The following DOCK1 variants were observed in gnomAD, a reference collection of about 807,000 sequenced individuals.
DOCK1 encodes dedicator of cytokinesis 1.
A neutral mutation model predicts 262.7 loss-of-function variants in DOCK1; 138 were observed. That is an observed-to-expected ratio of 0.53 (90% CI 0.46 to 0.61). DOCK1 has a LOEUF of 0.61. Ranked by LOEUF, DOCK1 falls within the 20% of genes least tolerant of loss-of-function variation. DOCK1 has a pLI of 0.00. For missense variants in DOCK1, 1,908 were observed against 2,370.7 expected, an observed-to-expected ratio of 0.80 and a Z score of 4.05; for synonymous variants, 866 against 867.4, an observed-to-expected ratio of 1.00 and a Z score of 0.03.
At chr10:127,074,593 A>T (rs1041059166) in intron 23 of DOCK1, among the ~76,000 whole-genome samples, 1 of 152,202 alleles carries the variant, frequency 6.6e-6, no homozygotes, top group Admixed American at 6.5e-5. Flanking sequence ...AGGTAGAAGA[A>T]AAAAGGGGCT....
intron 22 of DOCK1, among the ~76,000 whole-genome samples, chr10:127,059,369 T>C (rs1450964614): frequency 6.6e-6 from 1 of 152,174 alleles, no homozygotes; most frequent in African/African-American, 2.4e-5. Context: ...TTTGTGGCCA[T>C]TGTCTGTTCT....
In DOCK1 at chr10:127,415,137, G is replaced by A. The variant is rs761430183; in HGVS notation, c.4429-15G>A. On this transcript the variant is annotated splice_polypyrimidine_tract_variant and intron_variant, in intron 43 of 51. Coordinates refer to ENST00000623213, the MANE Select transcript of DOCK1 (RefSeq NM_001290223.2). ...TCCTTCTAACCCGTGTTGTGTGTGT[G>A]TGTTTCCTTTGCAGAATATGTGGAT... The A allele has an allele frequency of 1.2e-6, 2 of 1,611,944 alleles. No homozygotes were observed. The highest frequency in any genetic ancestry group is 1.7e-6 in the Non-Finnish European group (2 of 1,178,458).
chr10:127,413,878 G>A lies in DOCK1; in HGVS notation c.4429-1274G>A, dbSNP rs182302482. Among the ~76,000 whole-genome samples, 34 of 152,118 alleles carry A rather than the reference G, an allele frequency of 2.2e-4. No individual in the cohort carries two copies. In the East Asian group the frequency reaches 4.1e-3, roughly 18 times the overall value. On this transcript the variant is annotated intron_variant, in intron 43 of 51. Coordinates refer to ENST00000623213, the MANE Select transcript of DOCK1 (RefSeq NM_001290223.2). ...CCTCCTATGGAACGTAAGAAGTTTGGGATAAATGCTTTCCAAGATCCAAGT... is the reference window on the plus strand; with the variant it reads ...CCTCCTATGGAACGTAAGAAGTTTGAGATAAATGCTTTCCAAGATCCAAGT...
chr10:127,431,825 T>C (rs1294767733), intron 47 of DOCK1, among the ~76,000 whole-genome samples: 1 of 152,224 alleles, frequency 6.6e-6, no homozygotes, highest in African/African-American at 2.4e-5. Flanking sequence ...CTAAAATACT[T>C]ACCTGGTCCT....
rs968270801 is a variant in DOCK1, at chr10:126,934,675, G to A, written c.46+29112G>A. ...ATGTGTGTCAACTTAACCTACTTTC[G>A]TACCTGCTGTGAGTCTAACTTTGTG... On this transcript the variant is annotated intron_variant, in intron 1 of 51. Transcript: ENST00000623213. Among the ~76,000 whole-genome samples the A allele has an allele frequency of 2.3e-3, 345 of 149,290 alleles. 14 individuals carry two copies. The South Asian group carries it at 0.069, about 30-fold the overall frequency.
intron 29 of DOCK1, among the ~76,000 whole-genome samples, chr10:127,316,522 A>G (rs2135534465): frequency 1.3e-5 from 2 of 152,324 alleles, no homozygotes; most frequent in Admixed American, 1.3e-4. Context: ...TTCTGAATCG[A>G]CTACTAAAAA....
intron 29 of DOCK1, among the ~76,000 whole-genome samples, chr10:127,318,200 A>G (rs984590114): frequency 3.9e-5 from 6 of 152,180 alleles, no homozygotes; most frequent in African/African-American, 1.4e-4. Context: ...TTCGGTGTGC[A>G]TTGAGTGCCT....
intron 23 of DOCK1, among the ~76,000 whole-genome samples, chr10:127,097,071 C>G (rs1160125534): frequency 1.3e-5 from 2 of 152,144 alleles, no homozygotes; most frequent in Non-Finnish European, 2.9e-5. Context: ...CACCATTACA[C>G]TCCAGCCTGG....
chr10:127,329,221 A>C (rs1416037595), intron 29 of DOCK1, among the ~76,000 whole-genome samples: 1 of 152,046 alleles, frequency 6.6e-6, no homozygotes, highest in African/African-American at 2.4e-5. Context: ...ATCCAGGACA[A>C]CCTGTCCTGT....
At chr10:127,404,685 G>T (rs1462619817) in intron 40 of DOCK1, among the ~76,000 whole-genome samples, 5 of 152,206 alleles carry the variant, frequency 3.3e-5, no homozygotes, top group Non-Finnish European at 4.4e-5. Context: ...TAATTGAGGT[G>T]TGATATATGA....
intron 12 of DOCK1, 172 bp from the exon 13 acceptor site, chr10:127,018,538 C>T: frequency 1.1e-6 from 1 of 951,952 alleles, no homozygotes; most frequent in Non-Finnish European, 1.6e-6. Flanking sequence ...TGCATGGAGT[C>T]CCCACGACAG....
chr10:127,141,521 G>A (rs2051242061), intron 27 of DOCK1, among the ~76,000 whole-genome samples: 1 of 152,132 alleles, frequency 6.6e-6, no homozygotes, highest in Admixed American at 6.5e-5. Context: ...TGGCCAACAT[G>A]GTGAAACCCC....
intron 27 of DOCK1, among the ~76,000 whole-genome samples, chr10:127,148,176 G>A (rs1160579592): frequency 2.0e-5 from 3 of 152,176 alleles, no homozygotes; most frequent in African/African-American, 7.2e-5. Context: ...GGAGCCTTGT[G>A]GCGTTCCCAT....
intron 23 of DOCK1, among the ~76,000 whole-genome samples, chr10:127,066,157 A>C (rs371599865): frequency 3.0e-4 from 46 of 151,950 alleles, no homozygotes; most frequent in African/African-American, 9.9e-4. Context: ...TCTGCCCTCG[A>C]GTCGTGTTCT....
chr10:127,192,684 T>C (rs759450444), intron 27 of DOCK1: 1 of 152,174 alleles, frequency 6.6e-6, no homozygotes, highest in Non-Finnish European at 1.5e-5. Context: ...ATGTGAGAGG[T>C]AAGATCCTTG....
chr10:126,938,447 C>T (rs1330320426), intron 1 of DOCK1, among the ~76,000 whole-genome samples: 1 of 152,134 alleles, frequency 6.6e-6, no homozygotes, highest in East Asian at 1.9e-4. Context: ...CTGTTGAAAC[C>T]GTTTGACCTT....
At chr10:127,013,901 TC>T (rs1376447528) in intron 12 of DOCK1, among the ~76,000 whole-genome samples, 3 of 152,230 alleles carry the variant, frequency 2.0e-5, no homozygotes, top group Non-Finnish European at 2.9e-5. Context: ...GCCACACAGA[TC>T]GGCCGCCGGG....
chr10:126,965,522 G>A (rs2037605579), intron 1 of DOCK1, among the ~76,000 whole-genome samples: 1 of 152,068 alleles, frequency 6.6e-6, no homozygotes, highest in Admixed American at 6.6e-5. Flanking sequence ...GAAGTCTTGG[G>A]CCAGGCAGTG....
At chr10:127,292,996 C>G (rs1482614490) in intron 29 of DOCK1, among the ~76,000 whole-genome samples, 4 of 152,160 alleles carry the variant, frequency 2.6e-5, no homozygotes, top group Non-Finnish European at 5.9e-5. Flanking sequence ...AGAAACAAAG[C>G]AAGGACCCAG....
Sources: allele counts gnomAD v4.1 joint callset (sites outside exome capture counted in the v4.1 genomes callset), GRCh38; gene constraint gnomAD v4.1.1; transcripts MANE v1.5; gene names NCBI Gene and HGNC (gene_info 2026-07-23, HGNC 2026-07-21).